Variants in SLC25A26 observed in about 807,000 individuals in gnomAD.
The protein encoded by SLC25A26 is mitochondrial S-adenosylmethionine carrier protein.
SLC25A26 carries 36 observed loss-of-function variants against 37.8 expected under a neutral mutation model. The observed-to-expected ratio is 0.95, with a 90% CI of 0.73 to 1.26. The LOEUF (loss-of-function observed/expected upper bound fraction) is 1.26, where lower values mean the gene tolerates loss of function less well. SLC25A26 is among the 50% of genes most tolerant of loss of function. SLC25A26 has a pLI of 0.00. For synonymous variants in SLC25A26, 129 were observed against 122.5 expected (o/e 1.05, Z -0.35); for missense variants, 390 against 331.1 (o/e 1.18, Z -1.38).
chr3:66,337,166 A>AT lies in SLC25A26; in HGVS notation c.454-9193dup, dbSNP rs2076108987. 2.0e-5 allele frequency among the ~76,000 whole-genome samples: 3 copies of AT among 152,172 alleles called. No homozygotes were observed. In the East Asian group the frequency reaches 5.8e-4, roughly 29 times the overall value. Reference sequence around the variant, plus strand: ...CTGTGAAAGCCAGTGTAATTTTGTGATTTTTCATTTTGATTGATTTGTTAA... The same window carrying AT: ...CTGTGAAAGCCAGTGTAATTTTGTGATTTTTTCATTTTGATTGATTTGTTAA... On this transcript the variant is annotated intron_variant, in intron 5 of 9. Transcript: ENST00000354883.
rs1235115667 is a variant in SLC25A26, at chr3:66,172,463, G to GA, written c.-354+38486dup. ...AAAGAGGGAGAAAGAGAGAAAGAAA[G>GA]AAAAAAATAAATTTTCAGTTCAGGA... On this transcript the variant is annotated intron_variant, in intron 1 of 10. Transcript: ENST00000676754. Among the ~76,000 whole-genome samples, 4 of 122,748 alleles carry GA rather than the reference G, an allele frequency of 3.3e-5. No homozygotes were observed. The East Asian group carries it at 6.8e-4, about 21-fold the overall frequency. 80.5% of individuals were successfully genotyped at this position (122,748 alleles called of 152,430 possible). A position where few individuals can be genotyped will look rare whatever the true frequency, so the allele number is the denominator to read the frequency against.
chr3:66,273,560 G>A (rs1206007012), intron 5 of SLC25A26, among the ~76,000 whole-genome samples: 2 of 152,032 alleles, frequency 1.3e-5, no homozygotes, highest in Non-Finnish European at 2.9e-5. Flanking sequence ...CAAAGTCTCA[G>A]GATACAAAAT....
chr3:66,313,352 C>T (rs1333813903), intron 5 of SLC25A26, among the ~76,000 whole-genome samples: 1 of 152,082 alleles, frequency 6.6e-6, no homozygotes, highest in Non-Finnish European at 1.5e-5. Context: ...TGCCAGTTCT[C>T]CCAGCACCGT....
intron 5 of SLC25A26, among the ~76,000 whole-genome samples, chr3:66,278,540 G>A (rs11924788): frequency 0.22 from 33,293 of 151,916 alleles, 3,768 homozygotes; most frequent in African/African-American, 0.25. Context: ...AAATTTGTCA[G>A]TAGATAAAGT....
intron 1 of SLC25A26, among the ~76,000 whole-genome samples, chr3:66,170,791 G>GTTGTTT (rs2070484512): frequency 2.0e-5 from 1 of 50,894 alleles, no homozygotes; most frequent in East Asian, 8.0e-4. Context: ...TGTGATTATT[G>GTTGTTT]TTTTTTTTTT....
At chr3:66,290,120 A>G (rs969088986) in intron 5 of SLC25A26, among the ~76,000 whole-genome samples, 1 of 151,700 alleles carries the variant, frequency 6.6e-6, no homozygotes, top group Non-Finnish European at 1.5e-5. Flanking sequence ...CTGTTTATCT[A>G]TTATTGGTGT....
intron 5 of SLC25A26, among the ~76,000 whole-genome samples, chr3:66,283,539 C>T (rs1559654181): frequency 6.6e-6 from 1 of 152,170 alleles, no homozygotes; most frequent in Non-Finnish European, 1.5e-5. Flanking sequence ...ACCTTGGCAT[C>T]CCAAAGTGCT....
chr3:66,262,662 TTAAAAAGACA>T (rs2073575765), intron 4 of SLC25A26, among the ~76,000 whole-genome samples: 1 of 152,214 alleles, frequency 6.6e-6, no homozygotes, highest in Admixed American at 6.5e-5. Context: ...AAGCCTTTTT[TTAAAAAGACA>T]TGAGAATCAA....
intron 5 of SLC25A26, among the ~76,000 whole-genome samples, chr3:66,299,296 G>A (rs971939526): frequency 1.3e-5 from 2 of 152,070 alleles, no homozygotes; most frequent in Admixed American, 6.6e-5. Context: ...GGTTCCAAGC[G>A]ATTCTCATGT....
intron 5 of SLC25A26, among the ~76,000 whole-genome samples, chr3:66,284,794 A>C (rs1032391559): frequency 3.9e-5 from 6 of 152,228 alleles, no homozygotes; most frequent in African/African-American, 1.4e-4. Flanking sequence ...ATATCCATCT[A>C]TTGAGATATC....
intron 5 of SLC25A26, among the ~76,000 whole-genome samples, chr3:66,320,755 C>G (rs559244634): frequency 1.3e-5 from 2 of 152,078 alleles, no homozygotes; most frequent in Non-Finnish European, 2.9e-5. Flanking sequence ...TGTTTTTTCT[C>G]TTTAAATTAT....
In SLC25A26 at chr3:66,313,638, T is replaced by A. The variant is rs563188758; in HGVS notation, c.454-32726T>A. Among the ~76,000 whole-genome samples the A allele has an allele frequency of 2.6e-5, 4 of 152,328 alleles. No homozygotes were observed. In the East Asian group the frequency reaches 7.7e-4, roughly 29 times the overall value. On this transcript the variant is annotated intron_variant, in intron 5 of 9. Coordinates refer to ENST00000354883, the MANE Select transcript of SLC25A26 (RefSeq NM_001379210.1). The stretch of plus-strand genomic sequence containing the variant: ...TATTCCATATGAATTTTAAAATAGT[T>A]TCTTCTGATTCTGTGAAGAATGTTA...
At chr3:66,210,444 G>C (rs1204817932) in intron 1 of SLC25A26, among the ~76,000 whole-genome samples, 1 of 152,086 alleles carries the variant, frequency 6.6e-6, no homozygotes, top group Non-Finnish European at 1.5e-5. Flanking sequence ...TGTCAGTGAA[G>C]GATAATGAGA....
At chr3:66,238,230 T>G (rs2072392736) in intron 2 of SLC25A26, among the ~76,000 whole-genome samples, 1 of 151,874 alleles carries the variant, frequency 6.6e-6, no homozygotes, top group Non-Finnish European at 1.5e-5. Flanking sequence ...GTCGATCCCC[T>G]GTGCAGTCAA....
At chr3:66,221,515 CCTT>C (rs1346357742) in intron 1 of SLC25A26, among the ~76,000 whole-genome samples, 1 of 152,040 alleles carries the variant, frequency 6.6e-6, no homozygotes, top group Non-Finnish European at 1.5e-5. Flanking sequence ...CGCTCCCAGC[CCTT>C]CTATTCAATA....
chr3:66,285,330 T>C (rs2074474877), intron 5 of SLC25A26, among the ~76,000 whole-genome samples: 1 of 151,840 alleles, frequency 6.6e-6, no homozygotes, highest in South Asian at 2.1e-4. Flanking sequence ...ATTTTTGCTA[T>C]GTGAGTTGTT....
At chr3:66,242,932 C>A (rs2072649002) in intron 2 of SLC25A26, among the ~76,000 whole-genome samples, 1 of 152,146 alleles carries the variant, frequency 6.6e-6, no homozygotes, top group African/African-American at 2.4e-5. Context: ...AGTAATTTGT[C>A]AGTACAACAC....
chr3:66,179,911 C>G (rs1469614102), intron 1 of SLC25A26, among the ~76,000 whole-genome samples: 4 of 152,150 alleles, frequency 2.6e-5, no homozygotes, highest in Non-Finnish European at 5.9e-5. Flanking sequence ...GTTACAGTAT[C>G]TATTTGCACA....
At chr3:66,358,749 C>T (rs1293265107) in intron 6 of SLC25A26, among the ~76,000 whole-genome samples, 3 of 152,178 alleles carry the variant, frequency 2.0e-5, no homozygotes. Flanking sequence ...ATCCGGGCCT[C>T]CCAAAGTGCT....
Sources: allele counts gnomAD v4.1 joint callset (sites outside exome capture counted in the v4.1 genomes callset), GRCh38; gene constraint gnomAD v4.1.1; transcripts MANE v1.5; gene names NCBI Gene and HGNC (gene_info 2026-07-23, HGNC 2026-07-21).